CCDC178: variants seen among roughly 807,000 people sequenced by gnomAD.
CCDC178 encodes the protein coiled-coil domain containing 178.
Under a neutral mutation model 117.4 loss-of-function variants are expected in CCDC178, and 126 were observed. The observed-to-expected ratio is 1.07, with a 90% CI of 0.93 to 1.24. The LOEUF (loss-of-function observed/expected upper bound fraction) is 1.24. CCDC178 is among the 50% of genes most tolerant of loss of function. The pLI, the probability that CCDC178 is intolerant of heterozygous loss-of-function variation, is 0.00. For synonymous variants in CCDC178, 283 were observed against 313.4 expected (o/e 0.90, Z 1.02); for missense variants, 1,030 against 986.9 (o/e 1.04, Z -0.59).
intron 20 of CCDC178, among the ~76,000 whole-genome samples, chr18:33,140,979 C>G (rs1293500683): frequency 6.6e-6 from 1 of 152,070 alleles, no homozygotes; most frequent in East Asian, 1.9e-4. Context: ...CAATGAGTCT[C>G]ACAAGATCTG....
At position 33,347,254 on chromosome 18, in the gene CCDC178, T is replaced by C. The variant is rs554703112; in HGVS notation, c.458-843A>G. ...GAAAGAACTGAGGCTAGAGGAAAAATAGCTAAACTGCACCAAGAAGAAAGA... is the reference window on the plus strand; with the variant it reads ...GAAAGAACTGAGGCTAGAGGAAAAACAGCTAAACTGCACCAAGAAGAAAGA... On this transcript the variant is annotated intron_variant, in intron 8 of 22. Transcript: ENST00000383096. 3.9e-5 allele frequency among the ~76,000 whole-genome samples: 6 copies of C among 152,172 alleles called. No individual in the cohort carries two copies. The East Asian group carries it at 1.2e-3, about 29-fold the overall frequency.
At chr18:33,224,724 A>C (rs1011074726) in intron 17 of CCDC178, 51 bp downstream of exon 17, 1 of 1,152,970 alleles carries the variant, frequency 8.7e-7, no homozygotes, top group Admixed American at 2.9e-5. Context: ...TGCGTAACTT[A>C]CTAACGTATA....
Position 33,185,207 on chromosome 18 carries a change from C to T in CCDC178, c.2238+26689G>A, listed in dbSNP as rs79398601. The stretch of plus-strand genomic sequence containing the variant: ...TGCTCATCCTGCATCACAATTACTA[C>T]GAGAAAGGGGAAACTGGAAAGTACA... On this transcript the variant is annotated intron_variant, in intron 20 of 22. Coordinates refer to ENST00000383096, the MANE Select transcript of CCDC178 (RefSeq NM_001105528.4). 6.7e-3 allele frequency among the ~76,000 whole-genome samples: 1,013 copies of T among 151,832 alleles called. 14 individuals carry two copies. The highest frequency in any genetic ancestry group is 0.023 in the African/African-American group (935 of 41,418).
intron 21 of CCDC178, among the ~76,000 whole-genome samples, chr18:33,037,848 T>C (rs2056473854): frequency 6.6e-6 from 1 of 151,980 alleles, no homozygotes; most frequent in Non-Finnish European, 1.5e-5. Context: ...AGATGCAGGA[T>C]CATTATTTAA....
intron 15 of CCDC178, among the ~76,000 whole-genome samples, chr18:33,240,700 A>C (rs1599040397): frequency 1.3e-5 from 2 of 152,064 alleles, no homozygotes; most frequent in South Asian, 4.1e-4. Context: ...AACAAGATTG[A>C]ATCAGTTCTA....
intron 2 of CCDC178, among the ~76,000 whole-genome samples, chr18:33,414,754 T>C (rs947871520): frequency 1.3e-5 from 2 of 152,016 alleles, no homozygotes; most frequent in African/African-American, 4.8e-5. Context: ...ACCATCAGAG[T>C]GAACAGGCAA....
chr18:33,419,586 A>C (rs910991434), intron 2 of CCDC178, among the ~76,000 whole-genome samples: 1 of 152,192 alleles, frequency 6.6e-6, no homozygotes, highest in African/African-American at 2.4e-5. Flanking sequence ...CAAACTAACT[A>C]ATAAGTACAA....
At chr18:33,250,820 C>T (rs920027346) in intron 14 of CCDC178, among the ~76,000 whole-genome samples, 2 of 151,446 alleles carry the variant, frequency 1.3e-5, no homozygotes, top group Non-Finnish European at 3.0e-5. Context: ...TAGTACTAAA[C>T]TGAAAAAATT....
chr18:33,218,884 G>A (rs271432), intron 18 of CCDC178, among the ~76,000 whole-genome samples: 13,910 of 152,058 alleles, frequency 0.091, 792 homozygotes, highest in African/African-American at 0.16. Context: ...GTCAGGTAGC[G>A]TGACGCCTCT....
intron 21 of CCDC178, among the ~76,000 whole-genome samples, chr18:32,990,027 A>G (rs1267313853): frequency 6.6e-6 from 1 of 152,170 alleles, no homozygotes; most frequent in African/African-American, 2.4e-5. Context: ...CTTTTTTACA[A>G]AGCATCAAAT....
chr18:33,157,605 A>G (rs1757420110), intron 20 of CCDC178, among the ~76,000 whole-genome samples: 1 of 152,198 alleles, frequency 6.6e-6, no homozygotes, highest in Admixed American at 6.5e-5. Context: ...ATACACAGAC[A>G]TAGTATTTTA....
rs557403007 is a variant in CCDC178, at chr18:33,384,103, A to G, written c.208+5437T>C. ...AATAGCTGAATCGATCAAGCAGAAG[A>G]GAGAATATCAGAGCTTGAAGACTAT... On this transcript the variant is annotated intron_variant, in intron 5 of 22. Coordinates refer to ENST00000383096, the MANE Select transcript of CCDC178 (RefSeq NM_001105528.4). 2.0e-5 allele frequency among the ~76,000 whole-genome samples: 3 copies of G among 152,262 alleles called. No homozygotes were observed. The East Asian group carries it at 5.8e-4, about 29-fold the overall frequency.
chr18:33,058,593 T>C (rs1178595672), intron 21 of CCDC178, among the ~76,000 whole-genome samples: 1 of 152,172 alleles, frequency 6.6e-6, no homozygotes, highest in Non-Finnish European at 1.5e-5. Context: ...TTGTAAAACA[T>C]AGTTTTATGG....
intron 20 of CCDC178, among the ~76,000 whole-genome samples, chr18:33,164,332 C>T (rs2058502529): frequency 6.6e-6 from 1 of 151,876 alleles, no homozygotes; most frequent in South Asian, 2.1e-4. Flanking sequence ...CTCCCAACCT[C>T]AGGTGATCCG....
chr18:33,101,501 T>C (rs1454633257), intron 20 of CCDC178, among the ~76,000 whole-genome samples: 2 of 151,860 alleles, frequency 1.3e-5, no homozygotes, highest in South Asian at 2.1e-4. Flanking sequence ...CCTTTCTTTA[T>C]GTAATTACAA....
At chr18:32,968,281 A>T (rs2054857945) in intron 22 of CCDC178, among the ~76,000 whole-genome samples, 2 of 152,006 alleles carry the variant, frequency 1.3e-5, no homozygotes, top group Non-Finnish European at 2.9e-5. Flanking sequence ...TTTACCTAAC[A>T]TGATATCCTC....
At chr18:33,088,959 A>AT (rs1433880506) in intron 21 of CCDC178, among the ~76,000 whole-genome samples, 1 of 152,126 alleles carries the variant, frequency 6.6e-6, no homozygotes, top group African/African-American at 2.4e-5. Flanking sequence ...CTGTAAAATT[A>AT]TTTTTTAAAG....
chr18:33,057,604 G>C (rs1232448950), intron 21 of CCDC178, among the ~76,000 whole-genome samples: 3 of 152,080 alleles, frequency 2.0e-5, no homozygotes, highest in African/African-American at 7.2e-5. Context: ...TGGTTCTTCT[G>C]TCTCAGCCTC....
intron 11 of CCDC178, among the ~76,000 whole-genome samples, chr18:33,315,969 C>G (rs1272991009): frequency 6.6e-6 from 1 of 152,212 alleles, no homozygotes; most frequent in Non-Finnish European, 1.5e-5. Context: ...TATATACAAG[C>G]ATTGTACCTA....
Sources: allele counts gnomAD v4.1 joint callset (sites outside exome capture counted in the v4.1 genomes callset), GRCh38; gene constraint gnomAD v4.1.1; transcripts MANE v1.5; gene names NCBI Gene and HGNC (gene_info 2026-07-23, HGNC 2026-07-21).